Variants in C1orf21 observed in about 807,000 individuals in gnomAD.
The protein encoded by C1orf21 is chromosome 1 open reading frame 21, also known as uncharacterized protein C1orf21.
Under a neutral mutation model 18.7 loss-of-function variants are expected in C1orf21, and 3 were observed. The ratio of observed to expected loss-of-function variants is 0.16; its 90% CI spans 0.07 to 0.42. C1orf21 has a LOEUF of 0.42. Among genes scored for constraint, C1orf21 ranks in the 10% least tolerant of loss-of-function variants. The pLI is 0.99. For synonymous variants in C1orf21, 41 were observed against 46.4 expected, an observed-to-expected ratio of 0.88 and a Z score of 0.47; for missense variants, 104 against 143.6, an observed-to-expected ratio of 0.72 and a Z score of 1.41.
intron 3 of C1orf21, among the ~76,000 whole-genome samples, chr1:184,552,050 C>A (rs984338151): frequency 6.6e-6 from 1 of 151,422 alleles, no homozygotes; most frequent in African/African-American, 2.4e-5. Context: ...TTTGCATACA[C>A]AAATTTGAAA....
intron 3 of C1orf21, among the ~76,000 whole-genome samples, chr1:184,548,793 G>A (rs1330651151): frequency 1.3e-5 from 2 of 152,194 alleles, no homozygotes; most frequent in South Asian, 2.1e-4. Context: ...CAAGCCAGTA[G>A]TAATAGCAGT....
chr1:184,550,382 T>C (rs1437431440), intron 3 of C1orf21, among the ~76,000 whole-genome samples: 5 of 152,248 alleles, frequency 3.3e-5, no homozygotes, highest in Non-Finnish European at 7.3e-5. Context: ...TAATACTATT[T>C]AGAACACATT....
At chr1:184,427,153 C>T (rs1656655377) in intron 1 of C1orf21, among the ~76,000 whole-genome samples, 1 of 152,136 alleles carries the variant, frequency 6.6e-6, no homozygotes, top group Admixed American at 6.5e-5. Context: ...ACCAGACTTC[C>T]TGCTCACCAA....
At chr1:184,548,409 CTT>C (rs35619860) in intron 3 of C1orf21, among the ~76,000 whole-genome samples, 6 of 117,814 alleles carry the variant, frequency 5.1e-5, no homozygotes, top group African/African-American at 1.3e-4. Flanking sequence ...ATTGCAGACT[CTT>C]TTTTTTTTTT....
intron 3 of C1orf21, among the ~76,000 whole-genome samples, chr1:184,576,596 AG>A (rs2101992407): frequency 6.6e-6 from 1 of 152,306 alleles, no homozygotes; most frequent in East Asian, 1.9e-4. Flanking sequence ...GGGTCCTCTC[AG>A]GCCTCCACTA....
At chr1:184,548,197 C>A (rs1658753602) in intron 3 of C1orf21, among the ~76,000 whole-genome samples, 1 of 147,814 alleles carries the variant, frequency 6.8e-6, no homozygotes, top group African/African-American at 2.5e-5. Flanking sequence ...GTATAGTAAT[C>A]CATATCTCAA....
chr1:184,427,349 CTGTT>C (rs1210460365), intron 1 of C1orf21, among the ~76,000 whole-genome samples: 2 of 152,172 alleles, frequency 1.3e-5, no homozygotes, highest in African/African-American at 4.8e-5. Flanking sequence ...TGACATGTCT[CTGTT>C]TGTATGAGCT....
At chr1:184,400,407 T>C (rs1348049042) in intron 1 of C1orf21, among the ~76,000 whole-genome samples, 1 of 152,174 alleles carries the variant, frequency 6.6e-6, no homozygotes, top group Non-Finnish European at 1.5e-5. Flanking sequence ...TGTGTGTTTG[T>C]ATGTATGTGT....
At chr1:184,504,606 G>A (rs1436880107) in intron 2 of C1orf21, among the ~76,000 whole-genome samples, 3 of 152,188 alleles carry the variant, frequency 2.0e-5, no homozygotes, top group Non-Finnish European at 4.4e-5. Context: ...TCTGTTTCCA[G>A]ATGGATATCT....
At chr1:184,551,648 C>A (rs1483993716) in intron 3 of C1orf21, among the ~76,000 whole-genome samples, 1 of 152,202 alleles carries the variant, frequency 6.6e-6, no homozygotes, top group Non-Finnish European at 1.5e-5. Context: ...CCGTGCCAAT[C>A]TACCGTGTTT....
At chr1:184,548,641 G>GA (rs887313623) in intron 3 of C1orf21, among the ~76,000 whole-genome samples, 7 of 150,542 alleles carry the variant, frequency 4.6e-5, no homozygotes, top group African/African-American at 9.7e-5. Context: ...ACTTCCATGA[G>GA]AAAAAAAAAT....
intron 1 of C1orf21, among the ~76,000 whole-genome samples, chr1:184,400,196 T>G (rs74612445): frequency 0.043 from 6,619 of 152,276 alleles, 506 homozygotes; most frequent in African/African-American, 0.15. Context: ...TTTACTTTCT[T>G]GTTTAATAAG....
In C1orf21 at chr1:184,621,725, A is replaced by T. The variant is rs1341314780; in HGVS notation, c.*2169A>T. 6.6e-6 allele frequency: 1 copy of T among 152,218 alleles called. No homozygotes were observed. Among genetic ancestry groups the T allele is most frequent in the African/African-American group, 2.4e-5 (1 of 41,452 alleles). The allele number at this position is 152,218 out of a possible 1,614,324, so 9.4% of individuals were successfully genotyped here. On this transcript the variant is annotated 3_prime_UTR_variant, in exon 6 of 6. Transcript: ENST00000235307. ...CATGGTCACATTTAACAGTTTTGAC[A>T]TGTTATACTTGCGCATAGATCCAAG...
chr1:184,465,106 T>C (rs1657370350), intron 1 of C1orf21, among the ~76,000 whole-genome samples: 2 of 152,178 alleles, frequency 1.3e-5, no homozygotes, highest in Admixed American at 6.5e-5. Flanking sequence ...ACCTTGACCT[T>C]AGTCATGTCT....
chr1:184,583,177 G>T (rs1225226914), intron 3 of C1orf21, among the ~76,000 whole-genome samples: 3 of 152,146 alleles, frequency 2.0e-5, no homozygotes, highest in Admixed American at 1.3e-4. Flanking sequence ...TATTTTCACT[G>T]TCCCTTTGGG....
intron 1 of C1orf21, among the ~76,000 whole-genome samples, chr1:184,475,781 G>GCCA (rs1657562344): frequency 7.9e-6 from 1 of 126,128 alleles, no homozygotes. Context: ...GTGTGTGTGT[G>GCCA]TCCATCCACA....
In C1orf21 at chr1:184,522,979, C is replaced by T. The variant is rs116206353; in HGVS notation, c.189+15297C>T. 9.3e-3 allele frequency among the ~76,000 whole-genome samples: 1,417 copies of T among 152,248 alleles called. 25 individuals are homozygous for T. The highest frequency in any genetic ancestry group is 0.033 in the African/African-American group (1,359 of 41,532). On this transcript the variant is annotated intron_variant, in intron 3 of 5. Transcript: ENST00000235307. ...CTGGGATGACGGGCATGAGCCAGTA[C>T]GCCCAGACTTACAAAGGGTACACTT... is the stretch of plus-strand genomic sequence containing the variant.
At chr1:184,450,096 G>A (rs1571363559) in intron 1 of C1orf21, among the ~76,000 whole-genome samples, 1 of 152,174 alleles carries the variant, frequency 6.6e-6, no homozygotes, top group South Asian at 2.1e-4. Context: ...TAGAAGGCAG[G>A]ACAGTGAGGT....
At chr1:184,464,971 G>T (rs556080339) in intron 1 of C1orf21, among the ~76,000 whole-genome samples, 1 of 152,038 alleles carries the variant, frequency 6.6e-6, no homozygotes, top group Admixed American at 6.5e-5. Context: ...GGATCTTGCC[G>T]TGTTGCCCAG....
Sources: gnomAD v4.1 joint callset for allele counts (sites outside exome capture counted in the v4.1 genomes callset) on GRCh38, gnomAD v4.1.1 for gene constraint, MANE v1.5 for transcripts, NCBI Gene and HGNC (gene_info 2026-07-23, HGNC 2026-07-21) for gene names.